Variants in PIBF1 observed in about 807,000 individuals in gnomAD.
PIBF1 encodes progesterone immunomodulatory binding factor 1.
Under a neutral mutation model 112.5 loss-of-function variants are expected in PIBF1, and 90 were observed. The ratio of observed to expected loss-of-function variants is 0.80; its 90% CI spans 0.67 to 0.95. The LOEUF is 0.95. Ranked by LOEUF, PIBF1 falls within the 40% of genes least tolerant of loss-of-function variation. PIBF1 has a pLI of 0.00. For missense variants in PIBF1, 915 were observed against 852.3 expected (o/e 1.07, Z -0.92); for synonymous variants, 301 against 288.6 (o/e 1.04, Z -0.44).
intron 11 of PIBF1, among the ~76,000 whole-genome samples, chr13:72,901,870 A>G (rs1367801523): frequency 6.6e-6 from 1 of 152,200 alleles, no homozygotes; most frequent in East Asian, 1.9e-4. Context: ...ATCTACCCAA[A>G]GGAAAATAAG....
At chr13:72,946,086 C>T (rs1475688) in intron 14 of PIBF1, among the ~76,000 whole-genome samples, 111,401 of 151,892 alleles carry the variant, frequency 0.73, 41,155 homozygotes, top group South Asian at 0.81. Flanking sequence ...CTCACACTGC[C>T]AATGAAGACA....
chr13:72,837,488 T>A (rs2037412630), intron 9 of PIBF1, among the ~76,000 whole-genome samples: 1 of 152,122 alleles, frequency 6.6e-6, no homozygotes, highest in Non-Finnish European at 1.5e-5. Context: ...GTTCTCTTTT[T>A]TGACCATATA....
intron 17 of PIBF1, among the ~76,000 whole-genome samples, chr13:73,013,030 G>T (rs552028821): frequency 2.0e-5 from 3 of 151,168 alleles, no homozygotes; most frequent in Admixed American, 1.3e-4. Flanking sequence ...GGCCGGGCGC[G>T]GTGGCTCACG....
intron 5 of PIBF1, among the ~76,000 whole-genome samples, chr13:72,799,359 A>G (rs998614092): frequency 2.6e-5 from 4 of 152,184 alleles, no homozygotes; most frequent in Non-Finnish European, 5.9e-5. Context: ...AGTCTTAGAG[A>G]TAATTTACTT....
At chr13:72,873,054 A>G (rs964449979) in intron 10 of PIBF1, among the ~76,000 whole-genome samples, 2 of 152,230 alleles carry the variant, frequency 1.3e-5, no homozygotes, top group African/African-American at 4.8e-5. Context: ...AATTCTGATC[A>G]AAAACTCAGC....
chr13:72,970,168 C>T (rs1390648789), intron 15 of PIBF1, among the ~76,000 whole-genome samples: 1 of 151,756 alleles, frequency 6.6e-6, no homozygotes, highest in Non-Finnish European at 1.5e-5. Context: ...TATTCAATTT[C>T]TAGAAAGGCT....
At chr13:72,987,108 A>G (rs2043315813) in intron 16 of PIBF1, among the ~76,000 whole-genome samples, 1 of 152,220 alleles carries the variant, frequency 6.6e-6, no homozygotes, top group South Asian at 2.1e-4. Flanking sequence ...AAACAGGATG[A>G]TGAAAGAATT....
At chr13:72,992,608 A>G (rs1246387573) in intron 16 of PIBF1, among the ~76,000 whole-genome samples, 1 of 152,192 alleles carries the variant, frequency 6.6e-6, no homozygotes, top group Non-Finnish European at 1.5e-5. Context: ...AGCCTGCGCA[A>G]CATGGTGAAA....
intron 2 of PIBF1, among the ~76,000 whole-genome samples, chr13:72,790,516 TA>T (rs2034862277): frequency 2.0e-5 from 1 of 49,428 alleles, no homozygotes; most frequent in African/African-American, 5.5e-5. Context: ...CACACATAGA[TA>T]GATAGATAGA....
intron 16 of PIBF1, among the ~76,000 whole-genome samples, chr13:72,982,829 A>G (rs1293464796): frequency 6.6e-6 from 1 of 152,200 alleles, no homozygotes; most frequent in Non-Finnish European, 1.5e-5. Context: ...ACAATTTTAG[A>G]TACTACTACT....
chr13:72,968,800 C>G (rs1566501212), intron 15 of PIBF1, among the ~76,000 whole-genome samples: 1 of 151,902 alleles, frequency 6.6e-6, no homozygotes, highest in Non-Finnish European at 1.5e-5. Flanking sequence ...GGTGCCGAGG[C>G]AGACAGATTG....
At chr13:72,887,569 G>A (rs1010028463) in intron 10 of PIBF1, among the ~76,000 whole-genome samples, 1 of 151,862 alleles carries the variant, frequency 6.6e-6, no homozygotes, top group Non-Finnish European at 1.5e-5. Context: ...ACTTTGTTTT[G>A]AGAAGTAAAG....
At position 72,859,917 on chromosome 13, in the gene PIBF1, A is replaced by G. The variant is rs531077823; in HGVS notation, c.1322+5762A>G. ...GCCCTATTAGTGCTAGGCTGTAACT[A>G]CCTACAAGTATTTTAAGCGTTCACA... On this transcript the variant is annotated intron_variant, in intron 10 of 17. Transcript: ENST00000326291. Among the ~76,000 whole-genome samples the G allele has an allele frequency of 3.9e-5, 6 of 152,326 alleles. No individual in the cohort carries two copies. The South Asian group carries it at 1.2e-3, about 32-fold the overall frequency.
In PIBF1 at chr13:72,885,369, C is replaced by T. The variant is rs531898395; in HGVS notation, c.1323-8415C>T. Among the ~76,000 whole-genome samples the T allele has an allele frequency of 7.9e-5, 12 of 152,206 alleles. No homozygotes were observed. The East Asian group carries it at 2.3e-3, about 29-fold the overall frequency. ...TCATACTTCAGAAGAGACTGCCCCTCATCAAATTAGTATTTAATATTTTAA... is the reference window on the plus strand; with the variant it reads ...TCATACTTCAGAAGAGACTGCCCCTTATCAAATTAGTATTTAATATTTTAA... On this transcript the variant is annotated intron_variant, in intron 10 of 17. Coordinates refer to ENST00000326291, the MANE Select transcript of PIBF1 (RefSeq NM_006346.4).
intron 10 of PIBF1, among the ~76,000 whole-genome samples, chr13:72,857,369 A>T (rs2038470157): frequency 2.6e-5 from 4 of 152,246 alleles, no homozygotes; most frequent in Non-Finnish European, 5.9e-5. Context: ...TAATAAATTG[A>T]TAAACTTGAT....
At chr13:72,831,172 G>A (rs2037094054) in intron 8 of PIBF1, among the ~76,000 whole-genome samples, 1 of 151,194 alleles carries the variant, frequency 6.6e-6, no homozygotes. Flanking sequence ...TATTAGTCTG[G>A]CTAGCAGTCT....
chr13:73,011,778 T>A (rs1421618793), intron 17 of PIBF1, among the ~76,000 whole-genome samples: 1 of 152,116 alleles, frequency 6.6e-6, no homozygotes, highest in Non-Finnish European at 1.5e-5. Flanking sequence ...GTACAGTATG[T>A]CCAGTTATCA....
chr13:72,839,633 G>C (rs1594022363), intron 9 of PIBF1, among the ~76,000 whole-genome samples: 1 of 152,010 alleles, frequency 6.6e-6, no homozygotes, highest in South Asian at 2.1e-4. Context: ...AAATATATGG[G>C]AACTTCCTAT....
chr13:72,885,040 G>A (rs2039789672), intron 10 of PIBF1, among the ~76,000 whole-genome samples: 1 of 152,060 alleles, frequency 6.6e-6, no homozygotes, highest in African/African-American at 2.4e-5. Flanking sequence ...CTAAAATTGT[G>A]TATAAAATTT....
Sources: gnomAD v4.1 joint callset for allele counts (sites outside exome capture counted in the v4.1 genomes callset) on GRCh38, gnomAD v4.1.1 for gene constraint, MANE v1.5 for transcripts, NCBI Gene and HGNC (gene_info 2026-07-23, HGNC 2026-07-21) for gene names.